The following TRIM24 variants were observed in gnomAD, a reference collection of about 807,000 sequenced individuals.
TRIM24 encodes the protein tripartite motif containing 24.
In TRIM24, 29 loss-of-function variants were observed where a neutral mutation model predicts 123.9. The ratio of observed to expected loss-of-function variants is 0.23; its 90% CI spans 0.17 to 0.32. The LOEUF (loss-of-function observed/expected upper bound fraction) is 0.32, where lower values mean the gene tolerates loss of function less well. Ranked by LOEUF, TRIM24 falls within the 10% of genes least tolerant of loss-of-function variation. The pLI is 1.00. For synonymous variants in TRIM24, 456 were observed against 461.1 expected (o/e 0.99, Z 0.14); for missense variants, 932 against 1,295.3 (o/e 0.72, Z 4.31).
chr7:138,495,483 A>G (rs1037706753), intron 1 of TRIM24, among the ~76,000 whole-genome samples: 1 of 151,968 alleles, frequency 6.6e-6, no homozygotes, highest in Admixed American at 6.6e-5. Flanking sequence ...TCTGACTTAC[A>G]TTGTAGCTGA....
chr7:138,488,152 T>C (rs1207523310), intron 1 of TRIM24, among the ~76,000 whole-genome samples: 3 of 152,224 alleles, frequency 2.0e-5, no homozygotes, highest in African/African-American at 4.8e-5. Context: ...TAGTATTCTC[T>C]GATGGTAGTT....
At chr7:138,523,720 C>T (rs1255542170) in intron 4 of TRIM24, among the ~76,000 whole-genome samples, 1 of 135,358 alleles carries the variant, frequency 7.4e-6, no homozygotes, top group East Asian at 2.4e-4. Flanking sequence ...CACTGCACTC[C>T]AGCCTGGGCG....
chr7:138,546,946 G>A (rs866849113), intron 7 of TRIM24, among the ~76,000 whole-genome samples: 9 of 152,078 alleles, frequency 5.9e-5, no homozygotes, highest in Middle Eastern at 3.2e-3. Flanking sequence ...TATATTCAAA[G>A]GGAATGAAAT....
intron 6 of TRIM24, among the ~76,000 whole-genome samples, chr7:138,531,020 C>A (rs6950131): frequency 6.6e-6 from 1 of 151,996 alleles, no homozygotes; most frequent in African/African-American, 2.4e-5. Flanking sequence ...GTGGTATAGC[C>A]TTGGCTCACT....
Position 138,529,824 on chromosome 7 carries a change from A to G in TRIM24, c.996+594A>G, listed in dbSNP as rs181875805. 5.3e-5 allele frequency among the ~76,000 whole-genome samples: 8 copies of G among 152,336 alleles called. No individual in the cohort carries two copies. In the East Asian group the frequency reaches 1.5e-3, roughly 29 times the overall value. On this transcript the variant is annotated intron_variant, in intron 6 of 18. Coordinates refer to ENST00000343526, the MANE Select transcript of TRIM24 (RefSeq NM_015905.3). ...CTTGGTGTTTGACTTCAAATCATAT[A>G]AGGTTATAACAGCTACATGGTACAT...
Position 138,579,299 on chromosome 7 carries a change from T to C in TRIM24, c.2352T>C (p.Asp784=). ...EETVLRSDAP[D]STGDQPGLHQ... is the part of the protein sequence containing the mutation. ...CTGTGCTAAGATCAGATGCCCCTGA[T>C]AGTACAGGAGATCAACCTGGACTTC... Residue 784 remains aspartate, a synonymous_variant, in exon 15 of 19, where the codon GAT becomes GAC. Transcript: ENST00000343526. The C allele has an allele frequency of 1.2e-6, 2 of 1,614,164 alleles. No individual in the cohort carries two copies. Among genetic ancestry groups the C allele is most frequent in the Non-Finnish European group, 1.7e-6 (2 of 1,180,008 alleles).
In TRIM24 at chr7:138,567,534, ACCAGTTCTTCCTCCTCAT is replaced by A. The variant is rs758431047; in HGVS notation, c.1587_1604del (p.Val530_Pro535del). On this transcript the variant is annotated inframe_deletion, in exon 10 of 19. Coordinates refer to ENST00000343526, the MANE Select transcript of TRIM24 (RefSeq NM_015905.3). ...AGAATCACAGCCCCAAACCCAATGG[ACCAGTTCTTCCTCCTCAT>A]CCTCAACAACTGAGATATCCACCAA... The A allele has an allele frequency of 1.9e-6, 3 of 1,614,048 alleles. No individual in the cohort carries two copies. In the East Asian group the frequency reaches 6.7e-5, roughly 36 times the overall value.
At chr7:138,512,528 CTGTGTATCTGCAGGTTTAACAGCACA>C (rs1159760252) in intron 2 of TRIM24, among the ~76,000 whole-genome samples, 1 of 152,142 alleles carries the variant, frequency 6.6e-6, no homozygotes, top group East Asian at 1.9e-4. Context: ...CTCATGCATT[CTGTGTATCTGCAGGTTTAACAGCACA>C]TGGAAGCTGC....
At chr7:138,488,660 A>G (rs1249012461) in intron 1 of TRIM24, among the ~76,000 whole-genome samples, 2 of 152,108 alleles carry the variant, frequency 1.3e-5, no homozygotes, top group African/African-American at 4.8e-5. Flanking sequence ...GTGCGGTTTT[A>G]AGTGAGTTTC....
Position 138,587,037 on chromosome 7 carries a change from A to G in TRIM24, c.*2086A>G, listed in dbSNP as rs1245985448. On this transcript the variant is annotated 3_prime_UTR_variant, in exon 19 of 19. Transcript: ENST00000343526. ...CAGTTGAGAACCATCTTTTGGTCATACATAATATAATTATATTAAAAGTAA... is the reference window on the plus strand; with the variant it reads ...CAGTTGAGAACCATCTTTTGGTCATGCATAATATAATTATATTAAAAGTAA... 6.6e-6 allele frequency: 1 copy of G among 152,198 alleles called. No homozygotes were observed. The highest frequency in any genetic ancestry group is 1.5e-5 in the Non-Finnish European group (1 of 68,036). 9.4% of individuals were successfully genotyped at this position (152,198 alleles called of 1,614,324 possible).
At chr7:138,562,219 G>A (rs1369103270) in intron 9 of TRIM24, among the ~76,000 whole-genome samples, 2 of 152,138 alleles carry the variant, frequency 1.3e-5, no homozygotes, top group African/African-American at 4.8e-5. Flanking sequence ...AGGCCTTGAG[G>A]TTTAAAGATT....
chr7:138,474,607 A>G (rs990426841), intron 1 of TRIM24, among the ~76,000 whole-genome samples: 1 of 152,206 alleles, frequency 6.6e-6, no homozygotes, highest in Admixed American at 6.5e-5. Context: ...ATTTAGGTCT[A>G]TGATCCATTT....
Position 138,525,287 on chromosome 7 carries a change from G to C in TRIM24, c.811G>C (p.Asp271His). 1 of 1,519,104 alleles carries C rather than the reference G, an allele frequency of 6.6e-7. No homozygotes were observed. The highest frequency in any genetic ancestry group is 8.8e-7 in the Non-Finnish European group (1 of 1,138,442). 94.1% of individuals were successfully genotyped at this position (1,519,104 alleles called of 1,614,324 possible). The change falls in exon 5 of 19, where the codon GAT (aspartate) becomes CAT (histidine). Residue 271 changes from aspartate (D) to histidine (H), a missense_variant. By Grantham distance (81) the Asp-to-His change is moderately conservative (BLOSUM62 -1). Around this residue, in one of 7 missense-constraint regions of TRIM24, gnomAD observed 527 missense variants for 691.3 expected, o/e 0.76. Transcript: ENST00000343526. The part of the protein sequence containing the change: ...EAFQNQKVII[D>H]TLITKLMEKT... ...TTTTCAGAATCAGAAAGTGATCATA[G>C]ATACACTAATCACCAAACTGATGGA... is the stretch of plus-strand genomic sequence containing the variant.
intron 17 of TRIM24, among the ~76,000 whole-genome samples, chr7:138,583,512 C>T (rs557164799): frequency 2.0e-5 from 3 of 152,180 alleles, no homozygotes; most frequent in South Asian, 2.1e-4. Context: ...CCCAGCTACG[C>T]GAGAGGCTGA....
chr7:138,474,227 G>T (rs1448552979), intron 1 of TRIM24, among the ~76,000 whole-genome samples: 1 of 150,120 alleles, frequency 6.7e-6, no homozygotes, highest in South Asian at 2.1e-4. Context: ...CCGGGTTCAC[G>T]CCATTCTCCT....
chr7:138,573,632 A>G lies in TRIM24; in HGVS notation c.2004A>G (p.Pro668=). ...CACCAAATTCATCAGTGCCATCTCCAGGCCTTGCAGGTAAAGTGGGCTTCT... is the reference window on the plus strand; with the variant it reads ...CACCAAATTCATCAGTGCCATCTCCGGGCCTTGCAGGTAAAGTGGGCTTCT... ...VQSPNSSVPS[P]GLAGPVTMTS... Residue 668 remains proline (P), a synonymous_variant, in exon 12 of 19, where the codon CCA becomes CCG. Coordinates refer to ENST00000343526, the MANE Select transcript of TRIM24 (RefSeq NM_015905.3). The G allele has an allele frequency of 6.2e-7, 1 of 1,604,360 alleles. No individual in the cohort carries two copies.
In TRIM24 at chr7:138,577,404, T is replaced by C; in HGVS notation, c.2088-16T>C. ...AACATTCTTAGATTGCTTTTTCTTC[T>C]CTCTCATACTTACAGCTCTGGCTCT... On this transcript the variant is annotated splice_polypyrimidine_tract_variant and intron_variant, in intron 13 of 18. Coordinates refer to ENST00000343526, the MANE Select transcript of TRIM24 (RefSeq NM_015905.3). 6.7e-7 allele frequency: 1 copy of C among 1,499,286 alleles called. No homozygotes were observed. 92.9% of individuals were successfully genotyped at this position (1,499,286 alleles called of 1,614,324 possible). A position where few individuals can be genotyped will look rare whatever the true frequency, so the allele number is the denominator to read the frequency against.
At chr7:138,573,108 C>T (rs568050313) in intron 11 of TRIM24, among the ~76,000 whole-genome samples, 1 of 152,290 alleles carries the variant, frequency 6.6e-6, no homozygotes, top group South Asian at 2.1e-4. Context: ...CCATATACCA[C>T]AATAGATTGA....
At chr7:138,560,425 A>T (rs561536101) in intron 9 of TRIM24, among the ~76,000 whole-genome samples, 42 of 152,348 alleles carry the variant, frequency 2.8e-4, no homozygotes, top group African/African-American at 9.4e-4. Context: ...GAAAAGGTGC[A>T]GACAAGCACT....
Sources: allele counts gnomAD v4.1 joint callset (sites outside exome capture counted in the v4.1 genomes callset), GRCh38; gene constraint gnomAD v4.1.1; regional missense constraint gnomAD v4.1.1; transcripts MANE v1.5; gene names NCBI Gene and HGNC (gene_info 2026-07-23, HGNC 2026-07-21).